The following ATP10A variants were observed in gnomAD, a reference collection of about 807,000 sequenced individuals.
ATP10A encodes ATPase phospholipid transporting 10A (putative).
ATP10A carries 111 observed loss-of-function variants against 147.8 expected under a neutral mutation model. That is an observed-to-expected ratio of 0.75 (90% CI 0.64 to 0.88). The LOEUF is 0.88. Ranked by LOEUF, ATP10A falls within the 40% of genes least tolerant of loss-of-function variation. The pLI is 0.00. For missense variants in ATP10A, 1,927 were observed against 1,959.0 expected (o/e 0.98, Z 0.31); for synonymous variants, 875 against 841.6 (o/e 1.04, Z -0.69).
chr15:25,811,554 C>T (rs891199454), intron 1 of ATP10A, among the ~76,000 whole-genome samples: 1 of 152,150 alleles, frequency 6.6e-6, no homozygotes, highest in African/African-American at 2.4e-5. Flanking sequence ...CAACGCAGCT[C>T]TTGTTAGAGG....
chr15:25,774,430 C>T (rs1365299845), intron 2 of ATP10A, among the ~76,000 whole-genome samples: 3 of 152,170 alleles, frequency 2.0e-5, no homozygotes, highest in South Asian at 4.2e-4. Context: ...CAAAATTAGC[C>T]GGGAGTGGTG....
chr15:25,700,309 T>C (rs1342842231), intron 13 of ATP10A, among the ~76,000 whole-genome samples: 2 of 152,218 alleles, frequency 1.3e-5, no homozygotes, highest in Non-Finnish European at 2.9e-5. Flanking sequence ...CAGCTTCTTA[T>C]AAACTTAGAC....
At chr15:25,745,548 C>A (rs908813323) in intron 2 of ATP10A, among the ~76,000 whole-genome samples, 7 of 151,962 alleles carry the variant, frequency 4.6e-5, no homozygotes, top group African/African-American at 1.5e-4. Flanking sequence ...AGAGCAAGAC[C>A]CCATCTCTGC....
In ATP10A at chr15:25,688,667, G is replaced by A. The variant is rs115336950; in HGVS notation, c.3166-839C>T. ...GTTATTCTAAACAGAATGCCAACCT[G>A]CCTTTAACATCTAACTGGTTTCCCT... On this transcript the variant is annotated intron_variant, in intron 15 of 20. Coordinates refer to ENST00000555815, the MANE Select transcript of ATP10A (RefSeq NM_024490.4). 6.2e-3 allele frequency among the ~76,000 whole-genome samples: 943 copies of A among 152,300 alleles called. 8 individuals are homozygous for A. The highest frequency in any genetic ancestry group is 0.022 in the African/African-American group (903 of 41,560).
intron 1 of ATP10A, among the ~76,000 whole-genome samples, chr15:25,799,357 G>C (rs778177117): frequency 6.6e-6 from 1 of 152,118 alleles, no homozygotes; most frequent in Admixed American, 6.6e-5. Context: ...GCTCCTGAGC[G>C]CTGATGTGTT....
intron 2 of ATP10A, among the ~76,000 whole-genome samples, chr15:25,745,558 C>A (rs548161936): frequency 6.6e-6 from 1 of 151,942 alleles, no homozygotes; most frequent in South Asian, 2.1e-4. Context: ...CCCATCTCTG[C>A]TATAAGAAAG....
intron 3 of ATP10A, among the ~76,000 whole-genome samples, chr15:25,730,091 G>C (rs1445389552): frequency 6.7e-6 from 1 of 148,930 alleles, no homozygotes; most frequent in Non-Finnish European, 1.5e-5. Context: ...AGAAGTTAGA[G>C]ACCAGCCTGG....
Position 25,681,013 on chromosome 15 carries a change from C to A in ATP10A, c.3554G>T (p.Cys1185Phe), listed in dbSNP as rs1224804652. 2 of 1,614,162 alleles carry A rather than the reference C, an allele frequency of 1.2e-6. No individual in the cohort carries two copies. Among genetic ancestry groups the A allele is most frequent in the East Asian group, 4.5e-5 (2 of 44,878 alleles). Residue 1185 changes from cysteine to phenylalanine, a missense_variant, in exon 18 of 21, where the codon TGC becomes TTC. Transcript: ENST00000555815. ...MADAAFQSLV[C>F]FSIPYLAYYD... ...ACTTACCAGGTAAGGAATGGAAAAGCAAACCAGGCTCTGGAAGGCGGCGTC... is the reference window on the plus strand; with the variant it reads ...ACTTACCAGGTAAGGAATGGAAAAGAAAACCAGGCTCTGGAAGGCGGCGTC...
intron 8 of ATP10A, 144 bp downstream of exon 8, chr15:25,718,038 C>T (rs998095187): frequency 6.0e-6 from 5 of 827,592 alleles, no homozygotes; most frequent in African/African-American, 1.7e-5. Context: ...AAGTGTTGGC[C>T]AGAAAAGCTT....
chr15:25,790,618 G>T (rs1890369460), intron 1 of ATP10A, among the ~76,000 whole-genome samples: 1 of 152,176 alleles, frequency 6.6e-6, no homozygotes, highest in Non-Finnish European at 1.5e-5. Context: ...TGAACACCCA[G>T]ATTAAATCTA....
chr15:25,844,843 C>T (rs1241670195), intron 1 of ATP10A, among the ~76,000 whole-genome samples: 1 of 152,218 alleles, frequency 6.6e-6, no homozygotes, highest in Non-Finnish European at 1.5e-5. Context: ...TGGCAGCCTG[C>T]ACCGGCACAT....
At chr15:25,783,555 C>A (rs11632263) in intron 1 of ATP10A, among the ~76,000 whole-genome samples, 4 of 152,018 alleles carry the variant, frequency 2.6e-5, no homozygotes, top group South Asian at 2.1e-4. Context: ...GTGTCCCCTG[C>A]CATTTTAAGC....
chr15:25,727,190 C>G lies in ATP10A; in HGVS notation c.817G>C (p.Asp273His). 6.2e-7 allele frequency: 1 copy of G among 1,613,498 alleles called. No homozygotes were observed. Among genetic ancestry groups the G allele is most frequent in the Non-Finnish European group, 8.5e-7 (1 of 1,179,698 alleles). The change falls in exon 4 of 21, where the codon GAC becomes CAC. Residue 273 changes from aspartate (D) to histidine (H), a missense_variant. Coordinates refer to ENST00000555815, the MANE Select transcript of ATP10A (RefSeq NM_024490.4). The stretch of plus-strand genomic sequence containing the variant: ...TAGATGACAATGCCGACGACTGCGT[C>G]CGTGTTCCTAAGGGTGCAGCCCCTC... ...LLRGCTLRNT[D>H]AVVGIVIYAG...
At chr15:25,722,504 T>A (rs7173392) in intron 6 of ATP10A, among the ~76,000 whole-genome samples, 134,705 of 152,196 alleles carry the variant, frequency 0.89, 60,409 homozygotes, top group East Asian at 0.99. Context: ...TTCTCCTCGA[T>A]ATTAATGTTT....
chr15:25,767,195 C>T (rs372487886), intron 2 of ATP10A, among the ~76,000 whole-genome samples: 10 of 152,224 alleles, frequency 6.6e-5, no homozygotes, highest in African/African-American at 2.2e-4. Flanking sequence ...AAGGTTAGAA[C>T]TGCAATTTTG....
chr15:25,743,171 T>C (rs796280079), intron 2 of ATP10A, among the ~76,000 whole-genome samples: 6 of 152,246 alleles, frequency 3.9e-5, no homozygotes, highest in Admixed American at 1.3e-4. Context: ...AGGAAGACCA[T>C]ACTACTATTT....
At chr15:25,775,457 T>C (rs1889556193) in intron 2 of ATP10A, among the ~76,000 whole-genome samples, 1 of 152,234 alleles carries the variant, frequency 6.6e-6, no homozygotes, top group South Asian at 2.1e-4. Context: ...GGGGAAACCC[T>C]GTCTCCGCCT....
chr15:25,858,955 G>C (rs923545997), intron 1 of ATP10A, among the ~76,000 whole-genome samples: 1 of 152,146 alleles, frequency 6.6e-6, no homozygotes, highest in Admixed American at 6.5e-5. Flanking sequence ...ACTGGCCCAG[G>C]TCCTCCTCCA....
intron 2 of ATP10A, among the ~76,000 whole-genome samples, chr15:25,741,422 C>T (rs936705463): frequency 6.6e-6 from 1 of 152,138 alleles, no homozygotes; most frequent in South Asian, 2.1e-4. Context: ...AAAGTGCGGG[C>T]TCTTTTCCCC....
Sources: gnomAD v4.1 joint callset for allele counts (sites outside exome capture counted in the v4.1 genomes callset) on GRCh38, gnomAD v4.1.1 for gene constraint, MANE v1.5 for transcripts, NCBI Gene and HGNC (gene_info 2026-07-23, HGNC 2026-07-21) for gene names.